Variants in PALB2 observed in about 807,000 individuals in gnomAD.
PALB2 encodes the protein partner and localizer of BRCA2.
In PALB2, 82 loss-of-function variants were observed where a neutral mutation model predicts 107.4. That is an observed-to-expected ratio of 0.76 (90% CI 0.64 to 0.92). PALB2 has a LOEUF of 0.92. Among genes scored for constraint, PALB2 ranks in the 40% least tolerant of loss-of-function variants. PALB2 has a pLI of 0.00. For synonymous variants in PALB2, 489 were observed against 496.8 expected, an observed-to-expected ratio of 0.98 and a Z score of 0.21; for missense variants, 1,374 against 1,379.9, an observed-to-expected ratio of 1.00 and a Z score of 0.07.
intron 4 of PALB2, among the ~76,000 whole-genome samples, chr16:23,631,326 G>A (rs1170800627): frequency 2.0e-5 from 3 of 149,706 alleles, no homozygotes; most frequent in Non-Finnish European, 3.0e-5. Context: ...AAAATTAGCT[G>A]GGCATGGTGG....
intron 4 of PALB2, among the ~76,000 whole-genome samples, chr16:23,633,299 TG>T (rs1966905201): frequency 1.3e-5 from 2 of 152,288 alleles, no homozygotes; most frequent in Admixed American, 6.5e-5. Flanking sequence ...CACATAAAGT[TG>T]TTTTTTTGTT....
In PALB2 at chr16:23,641,164, G is replaced by C; in HGVS notation, c.-7C>G. On this transcript the variant is annotated 5_prime_UTR_variant, in exon 1 of 13. Transcript: ENST00000261584. The stretch of plus-strand genomic sequence containing the variant: ...TCCCGGGAGGCTCGTCCATCGGGCA[G>C]GCGACAGAACGAAAAGAGCAGCCGT... 6.2e-6 allele frequency: 10 copies of C among 1,612,614 alleles called. No homozygotes were observed. The highest frequency in any genetic ancestry group is 8.5e-6 in the Non-Finnish European group (10 of 1,179,712).
intron 1 of PALB2, chr16:23,638,644 T>C: frequency 2.3e-6 from 1 of 427,440 alleles, no homozygotes; most frequent in Non-Finnish European, 4.6e-6. Flanking sequence ...CCAGATGCTA[T>C]TCTAGATGCA....
In PALB2 at chr16:23,603,794, G is replaced by A. The variant is rs1343306240; in HGVS notation, c.3351-125C>T. The A allele has an allele frequency of 7.4e-6, 6 of 813,068 alleles. No homozygotes were observed. The African/African-American group carries it at 1.0e-4, about 14-fold the overall frequency. 50.4% of individuals were successfully genotyped at this position (813,068 alleles called of 1,614,324 possible). A position where few individuals can be genotyped will look rare whatever the true frequency, so the allele number is the denominator to read the frequency against. On this transcript the variant is annotated intron_variant, in intron 12 of 12. Coordinates refer to ENST00000261584, the MANE Select transcript of PALB2 (RefSeq NM_024675.4). ...AACAAAAATCCCTGTAACTATGAAT[G>A]CCTACATTTGTAGCCTTAGAGGTCT...
intron 9 of PALB2, 97 bp from the exon 10 acceptor site, chr16:23,621,575 C>A: frequency 1.3e-6 from 1 of 756,644 alleles, no homozygotes; most frequent in African/African-American, 1.7e-5. Context: ...ATAAACTAAC[C>A]TAATATCAGG....
intron 3 of PALB2, among the ~76,000 whole-genome samples, chr16:23,636,896 A>G (rs1967075971): frequency 6.6e-6 from 1 of 152,166 alleles, no homozygotes. Flanking sequence ...AGAATTGATC[A>G]TTGTTTTTAG....
At chr16:23,605,620 G>A (rs1966457640) in intron 12 of PALB2, among the ~76,000 whole-genome samples, 1 of 152,152 alleles carries the variant, frequency 6.6e-6, no homozygotes, top group Non-Finnish European at 1.5e-5. Context: ...TGTTGGCCAG[G>A]CTGGTCGCGA....
At position 23,634,896 on chromosome 16, in the gene PALB2, T is replaced by C. The variant is rs1060504716; in HGVS notation, c.1650A>G (p.Lys550=). The change falls in exon 4 of 13, where the codon AAA becomes AAG. Residue 550 remains lysine (K), a synonymous_variant. Coordinates refer to ENST00000261584, the MANE Select transcript of PALB2 (RefSeq NM_024675.4). ...NRSKEEVTSH[K]YQHEKLFIQV... The stretch of plus-strand genomic sequence containing the variant: ...GAATAAATAATTTTTCGTGCTGATA[T>C]TTGTGTGAGGTGACTTCTTCCTTGG... 2 of 1,614,100 alleles carry C rather than the reference T, an allele frequency of 1.2e-6. No homozygotes were observed. The highest frequency in any genetic ancestry group is 1.1e-5 in the South Asian group (1 of 91,078).
intron 10 of PALB2, among the ~76,000 whole-genome samples, chr16:23,619,617 T>C (rs1966739081): frequency 2.0e-5 from 3 of 152,164 alleles, no homozygotes; most frequent in Admixed American, 6.6e-5. Context: ...GATATTAATA[T>C]GTTGCAAAAA....
chr16:23,614,928 G>T (rs1411649218), intron 10 of PALB2, among the ~76,000 whole-genome samples: 3 of 150,112 alleles, frequency 2.0e-5, no homozygotes, highest in Non-Finnish European at 4.4e-5. Context: ...GGGATTACAG[G>T]CGTGAGCCAC....
chr16:23,614,807 C>T (rs1322502391), intron 10 of PALB2, among the ~76,000 whole-genome samples: 1 of 150,864 alleles, frequency 6.6e-6, no homozygotes, highest in African/African-American at 2.4e-5. Flanking sequence ...CCCGCCACTA[C>T]GCCCGGCTAA....
rs1487160824 is a variant in PALB2 at position 23,633,682 on chromosome 16, A to G, written c.1684+1180T>C. On this transcript the variant is annotated intron_variant, in intron 4 of 12. Coordinates refer to ENST00000261584, the MANE Select transcript of PALB2 (RefSeq NM_024675.4). ...GCCTTTTCATTACATGATGACTTCTAAAAGAGATAGTCAGTGGAGTCTTAG... is the reference window on the plus strand; with the variant it reads ...GCCTTTTCATTACATGATGACTTCTGAAAGAGATAGTCAGTGGAGTCTTAG... Among the ~76,000 whole-genome samples, 3 of 152,154 alleles carry G rather than the reference A, an allele frequency of 2.0e-5. No homozygotes were observed. The East Asian group carries it at 5.8e-4, about 29-fold the overall frequency.
At chr16:23,620,511 C>G (rs1319026913) in intron 10 of PALB2, among the ~76,000 whole-genome samples, 1 of 152,110 alleles carries the variant, frequency 6.6e-6, no homozygotes, top group Admixed American at 6.6e-5. Flanking sequence ...AAGGGAGAAA[C>G]CCCTCCAGTA....
At position 23,626,280 on chromosome 16, in the gene PALB2, C is replaced by T. The variant is rs1217869849; in HGVS notation, c.2704G>A (p.Asp902Asn). The T allele has an allele frequency of 6.2e-7, 1 of 1,614,044 alleles. No homozygotes were observed. The highest frequency in any genetic ancestry group is 8.5e-7 in the Non-Finnish European group (1 of 1,180,040). ...EDVVSLWKALDAWQWEKLYTW... is the reference protein window; with the variant it reads ...EDVVSLWKALNAWQWEKLYTW... ...TAAAGTTTTTCCCACTGCCAAGCAT[C>T]CAGAGCTTTCCAAAGAGAAACTACA... The change falls in exon 7 of 13, where the codon GAT becomes AAT. Residue 902 changes from aspartate (D) to asparagine (N), a missense_variant. By Grantham distance (23) the Asp-to-Asn change is conservative. Transcript: ENST00000261584.
intron 11 of PALB2, among the ~76,000 whole-genome samples, chr16:23,609,146 G>A (rs1410774013): frequency 6.6e-6 from 1 of 152,140 alleles, no homozygotes; most frequent in African/African-American, 2.4e-5. Flanking sequence ...ATTTATTAAT[G>A]AAAATAAAAT....
intron 4 of PALB2, among the ~76,000 whole-genome samples, chr16:23,632,592 G>A (rs939311719): frequency 1.3e-5 from 2 of 152,184 alleles, no homozygotes; most frequent in African/African-American, 4.8e-5. Context: ...GGGGGTCAGG[G>A]GAGGAAATGG....
intron 10 of PALB2, among the ~76,000 whole-genome samples, chr16:23,620,555 A>G (rs545677563): frequency 1.3e-5 from 2 of 152,176 alleles, no homozygotes; most frequent in Non-Finnish European, 2.9e-5. Context: ...TGGTGCCTTT[A>G]GAAAGTTGTT....
chr16:23,613,522 TA>T (rs1380897388), intron 11 of PALB2, among the ~76,000 whole-genome samples: 1 of 151,898 alleles, frequency 6.6e-6, no homozygotes, highest in Admixed American at 6.6e-5. Context: ...CGGGCACCTG[TA>T]ATCCCAGCTA....
At chr16:23,641,063 A>G (rs750522322) in intron 1 of PALB2, 47 bp downstream of exon 1, 1 of 1,605,092 alleles carries the variant, frequency 6.2e-7, no homozygotes, top group East Asian at 2.2e-5. Context: ...AAACCCTGGG[A>G]AAGCGGGGTC....
Sources: allele counts gnomAD v4.1 joint callset (sites outside exome capture counted in the v4.1 genomes callset), GRCh38; gene constraint gnomAD v4.1.1; transcripts MANE v1.5; gene names NCBI Gene and HGNC (gene_info 2026-07-23, HGNC 2026-07-21).